Variants in TMEM276 observed in about 807,000 individuals in gnomAD.
The protein encoded by TMEM276 is transmembrane protein 276.
the TMEM276 span, chr8:144,466,939 C>T: frequency 1.5e-5 from 24 of 1,584,554 alleles, no homozygotes; most frequent in Admixed American, 6.8e-5. Flanking sequence ...ATGTCTCCCG[C>T]CCTCCTCCCT....
chr8:144,464,037 G>C, the TMEM276 span: 90 of 1,538,866 alleles, frequency 5.8e-5, no homozygotes, highest in Non-Finnish European at 7.5e-5. Context: ...AGGCAGAAGA[G>C]TCTACCCCTA....
At chr8:144,466,965 C>G in the TMEM276 span, 2 of 1,594,094 alleles carry the variant, frequency 1.3e-6, no homozygotes, top group East Asian at 2.2e-5. Context: ...GCAGCCAGCT[C>G]CGAGCCTGAG....
chr8:144,464,309 A>G, the TMEM276 span: 4 of 1,613,136 alleles, frequency 2.5e-6, no homozygotes, highest in Non-Finnish European at 3.4e-6. Flanking sequence ...TTGGCCGTGA[A>G]GACAGCTACA....
At chr8:144,465,487 C>A in the TMEM276 span, 11,849 of 968,342 alleles carry the variant, frequency 0.012, 77 homozygotes, top group Non-Finnish European at 0.013. Flanking sequence ...CCTCCACCAG[C>A]GAGAGGAGCG....
chr8:144,464,856 G>A, the TMEM276 span: 1 of 1,612,868 alleles, frequency 6.2e-7, no homozygotes, highest in African/African-American at 1.3e-5. Context: ...CCCAGCACCA[G>A]ATGGGACAGG....
chr8:144,464,371 C>T, the TMEM276 span: 10 of 1,610,600 alleles, frequency 6.2e-6, no homozygotes, highest in African/African-American at 2.7e-5. Context: ...AGCCACAGAG[C>T]GGCCCTCAGG....
chr8:144,465,250 G>A, the TMEM276 span: 2 of 1,128,040 alleles, frequency 1.8e-6, no homozygotes, highest in Non-Finnish European at 2.3e-6. Flanking sequence ...CCCACGCGGC[G>A]GCCTCGGCCT....
the TMEM276 span, chr8:144,465,343 G>C: frequency 4.6e-6 from 5 of 1,091,320 alleles, no homozygotes; most frequent in Non-Finnish European, 5.6e-6. Context: ...GGCCAGCCGT[G>C]CGCAGTTACC....
chr8:144,466,366 G>A, the TMEM276 span: 1 of 761,640 alleles, frequency 1.3e-6, no homozygotes, highest in Non-Finnish European at 1.7e-6. Context: ...GCCGAGTCTG[G>A]GCGCGGGGAC....
the TMEM276 span, chr8:144,464,456 T>C: frequency 6.2e-7 from 1 of 1,612,246 alleles, no homozygotes; most frequent in South Asian, 1.1e-5. Context: ...CGGTCCCCAT[T>C]CACCCAGTGG....
chr8:144,465,053 G>A, the TMEM276 span: 1 of 1,532,908 alleles, frequency 6.5e-7, no homozygotes, highest in Non-Finnish European at 8.7e-7. Flanking sequence ...GTTAGGAGAA[G>A]TTCAGTCCTA....
the TMEM276 span, chr8:144,465,099 G>C: frequency 2.0e-6 from 3 of 1,500,684 alleles, no homozygotes; most frequent in Admixed American, 6.4e-5. Flanking sequence ...GCACACACCT[G>C]TGGAGAAGAA....
the TMEM276 span, chr8:144,464,592 A>T: frequency 3.1e-6 from 5 of 1,609,430 alleles, no homozygotes; most frequent in Non-Finnish European, 4.2e-6. Context: ...GCAGGAAGCC[A>T]GCAGCAGCCC....
the TMEM276 span, chr8:144,465,006 T>G: frequency 5.2e-6 from 8 of 1,542,120 alleles, no homozygotes; most frequent in Middle Eastern, 1.7e-4. Context: ...CGCGCGGCAC[T>G]CTAGTAAGCC....
At chr8:144,465,265 C>T in the TMEM276 span, 1 of 1,121,652 alleles carries the variant, frequency 8.9e-7, no homozygotes, top group Non-Finnish European at 1.1e-6. Context: ...CGGCCTGCTC[C>T]CTGCGTTCCG....
the TMEM276 span, chr8:144,464,911 G>A: frequency 1.2e-6 from 2 of 1,610,966 alleles, no homozygotes; most frequent in Admixed American, 1.7e-5. Context: ...TGGCACCTCA[G>A]GCGGCAGTAT....
At chr8:144,464,810 T>TCA in the TMEM276 span, 2 of 1,612,584 alleles carry the variant, frequency 1.2e-6, no homozygotes, top group African/African-American at 2.7e-5. Flanking sequence ...TGTACTCACC[T>TCA]CGGCTGTGCT....
chr8:144,464,143 C>T, the TMEM276 span: 2 of 1,610,042 alleles, frequency 1.2e-6, no homozygotes, highest in African/African-American at 1.3e-5. Flanking sequence ...CCACTGGAGG[C>T]GCTGTGTATG....
chr8:144,465,499 A>C, the TMEM276 span: 1 of 920,928 alleles, frequency 1.1e-6, no homozygotes, highest in Middle Eastern at 5.6e-4. Flanking sequence ...AGAGGAGCGG[A>C]GGCTAGAGCG....
Sources: allele counts gnomAD v4.1 joint callset, GRCh38; gene constraint gnomAD v4.1.1; transcripts MANE v1.5; gene names NCBI Gene and HGNC (gene_info 2026-07-23, HGNC 2026-07-21).